The following SUN1 variants were observed in gnomAD, a reference collection of about 807,000 sequenced individuals.
SUN1 encodes Sad1 and UNC84 domain containing 1, also known as SUN domain-containing protein 1.
SUN1 carries 61 observed loss-of-function variants against 103.2 expected under a neutral mutation model. The observed-to-expected ratio is 0.59, with a 90% CI of 0.48 to 0.73. SUN1 has a LOEUF of 0.73. Ranked by LOEUF, SUN1 falls within the 30% of genes least tolerant of loss-of-function variation. SUN1 has a pLI of 0.00. For synonymous variants in SUN1, 490 were observed against 425.7 expected (o/e 1.15, Z -1.86); for missense variants, 1,052 against 1,034.6 (o/e 1.02, Z -0.23).
At chr7:827,035 G>A (rs565102209) in intron 1 of SUN1, among the ~76,000 whole-genome samples, 1 of 152,160 alleles carries the variant, frequency 6.6e-6, no homozygotes, top group African/African-American at 2.4e-5. Context: ...TTTTGTTTTT[G>A]TTTTTGAGAT....
intron 1 of SUN1, among the ~76,000 whole-genome samples, chr7:823,282 T>G (rs898097403): frequency 1.1e-4 from 16 of 152,220 alleles, no homozygotes; most frequent in Non-Finnish European, 2.2e-4. Context: ...CATTATGATT[T>G]GTGTTCCTGC....
chr7:855,947 G>A (rs1316661529), intron 11 of SUN1, among the ~76,000 whole-genome samples: 1 of 152,246 alleles, frequency 6.6e-6, no homozygotes, highest in Non-Finnish European at 1.5e-5. Context: ...CCTCCATGGA[G>A]TGAGACTTGG....
At chr7:821,158 CTTTTTT>C (rs71546461) in intron 1 of SUN1, among the ~76,000 whole-genome samples, 8 of 68,998 alleles carry the variant, frequency 1.2e-4, no homozygotes, top group African/African-American at 4.1e-4. Flanking sequence ...TTCAGCACAT[CTTTTTT>C]TTTTTTTTTT....
intron 5 of SUN1, among the ~76,000 whole-genome samples, chr7:847,425 C>A: frequency 6.9e-6 from 1 of 145,682 alleles, no homozygotes. Flanking sequence ...CCCGCAGCAC[C>A]CTCTCCGGGA....
rs367835809 is a variant in SUN1 at position 842,077 on chromosome 7, C to T, written c.398C>T (p.Pro133Leu). The T allele has an allele frequency of 3.7e-6, 6 of 1,614,244 alleles. No individual in the cohort carries two copies. The highest frequency in any genetic ancestry group is 5.1e-6 in the Non-Finnish European group (6 of 1,180,056). Residue 133 changes from proline (P) to leucine (L), a missense_variant, in exon 3 of 19, where the codon CCT becomes CTT. By Grantham distance (98) the Pro-to-Leu change is moderately conservative (BLOSUM62 -3). Coordinates refer to ENST00000401592, the MANE Select transcript of SUN1 (RefSeq NM_001130965.3). ...SLQDAVTRRP[P>L]VLDESWIREQ... ...CAGGATGCTGTGACTCGACGGCCTC[C>T]TGTATTGGACGAGTCTTGGATTCGT...
At chr7:821,702 G>A (rs909455644) in intron 1 of SUN1, among the ~76,000 whole-genome samples, 1 of 152,096 alleles carries the variant, frequency 6.6e-6, no homozygotes, top group African/African-American at 2.4e-5. Context: ...TGCCCTTACC[G>A]CAGCGTTTCA....
chr7:838,120 A>C (rs1001637285), intron 1 of SUN1, among the ~76,000 whole-genome samples: 2 of 152,340 alleles, frequency 1.3e-5, no homozygotes, highest in Middle Eastern at 6.8e-3. Context: ...TGGCACAGTC[A>C]TAGCTCACTG....
At chr7:856,137 C>T (rs1827076804) in intron 11 of SUN1, among the ~76,000 whole-genome samples, 1 of 152,232 alleles carries the variant, frequency 6.6e-6, no homozygotes. Flanking sequence ...CTGAGCCCGC[C>T]AGGCCGTTCT....
intron 15 of SUN1, among the ~76,000 whole-genome samples, chr7:863,578 G>A (rs980563099): frequency 6.6e-6 from 1 of 152,136 alleles, no homozygotes; most frequent in African/African-American, 2.4e-5. Flanking sequence ...CATATTCGCG[G>A]TGCAGCCATC....
At chr7:847,238 G>C (rs1032381555) in intron 5 of SUN1, among the ~76,000 whole-genome samples, 2 of 151,758 alleles carry the variant, frequency 1.3e-5, no homozygotes, top group Non-Finnish European at 2.9e-5. Flanking sequence ...GGGTTACCCC[G>C]CAGTCCAGTC....
intron 1 of SUN1, among the ~76,000 whole-genome samples, chr7:820,874 A>G (rs1027629639): frequency 2.6e-5 from 4 of 152,118 alleles, no homozygotes; most frequent in African/African-American, 9.7e-5. Flanking sequence ...GTTCCATCTT[A>G]CACCCTCACT....
At chr7:853,303 C>T (rs1331926273) in intron 9 of SUN1, 106 bp from the exon 10 acceptor site, 39 of 1,291,746 alleles carry the variant, frequency 3.0e-5, no homozygotes, top group South Asian at 6.4e-5. Context: ...GTGTGCCGTG[C>T]GCCCCAGAGC....
At chr7:834,367 C>G (rs1025237894) in intron 1 of SUN1, among the ~76,000 whole-genome samples, 5 of 152,144 alleles carry the variant, frequency 3.3e-5, no homozygotes, top group African/African-American at 1.2e-4. Context: ...TCGGGGAGGT[C>G]CAGCTCTGGA....
At chr7:868,035 C>T (rs77253116) in intron 16 of SUN1, among the ~76,000 whole-genome samples, 2,172 of 152,336 alleles carry the variant, frequency 0.014, 57 homozygotes, top group African/African-American at 0.049. Flanking sequence ...GGCTCAGCTC[C>T]GTCTTCACAG....
rs748383783 is a variant in SUN1, at chr7:873,230, A to G, written c.2257A>G (p.Thr753Ala). ...TTGATTTCAGAAAAGACCCGACGAC[A>G]CAGCTTTCCAAATAGTGGAACTTCG... ...MFQALKRPDDTAFQIVELRIF... is the reference protein window; with the variant it reads ...MFQALKRPDDAAFQIVELRIF... The change falls in exon 19 of 19, where the codon ACA (threonine) becomes GCA (alanine). Residue 753 changes from threonine to alanine, a missense_variant. By Grantham distance (58) the Thr-to-Ala change is moderately conservative. This residue lies in a region of SUN1 where 206 missense variants were observed against 260.1 expected (regional missense o/e 0.79). Coordinates refer to ENST00000401592, the MANE Select transcript of SUN1 (RefSeq NM_001130965.3). 1 of 1,614,226 alleles carries G rather than the reference A, an allele frequency of 6.2e-7. No homozygotes were observed. The highest frequency in any genetic ancestry group is 8.5e-7 in the Non-Finnish European group (1 of 1,180,036).
At chr7:823,820 G>A (rs1788741908) in intron 1 of SUN1, among the ~76,000 whole-genome samples, 1 of 152,158 alleles carries the variant, frequency 6.6e-6, no homozygotes, top group African/African-American at 2.4e-5. Context: ...CGCGCCCTGG[G>A]GAGGGAGGAG....
Position 853,626 on chromosome 7 carries a change from C to G in SUN1, c.1263+8C>G. ...GGACAGCCCCCGAGGGAGGTGGGTGCTGCCGGGCTACCAGGCTCCATGGTG... is the reference window on the plus strand; with the variant it reads ...GGACAGCCCCCGAGGGAGGTGGGTGGTGCCGGGCTACCAGGCTCCATGGTG... On this transcript the variant is annotated splice_region_variant and intron_variant, in intron 10 of 18. Coordinates refer to ENST00000401592, the MANE Select transcript of SUN1 (RefSeq NM_001130965.3). 1.3e-6 allele frequency: 2 copies of G among 1,598,908 alleles called. No homozygotes were observed. Among genetic ancestry groups the G allele is most frequent in the Non-Finnish European group, 1.7e-6 (2 of 1,179,478 alleles).
chr7:831,768 T>G (rs547481144), upstream of SUN1, among the ~76,000 whole-genome samples: 1 of 152,240 alleles, frequency 6.6e-6, no homozygotes, highest in Non-Finnish European at 1.5e-5. Flanking sequence ...GAGGTTCTTT[T>G]AGTTATATCT....
At chr7:819,933 C>T (rs924079266) in intron 1 of SUN1, among the ~76,000 whole-genome samples, 3 of 152,102 alleles carry the variant, frequency 2.0e-5, no homozygotes, top group Non-Finnish European at 4.4e-5. Context: ...GCCTTGAACT[C>T]CTGACCTCAT....
Sources: allele counts gnomAD v4.1 joint callset (sites outside exome capture counted in the v4.1 genomes callset), GRCh38; gene constraint gnomAD v4.1.1; regional missense constraint gnomAD v4.1.1; transcripts MANE v1.5; gene names NCBI Gene and HGNC (gene_info 2026-07-23, HGNC 2026-07-21).